Variants in NDST3 observed in about 807,000 individuals in gnomAD.
The protein encoded by NDST3 is N-deacetylase and N-sulfotransferase 3, also known as bifunctional heparan sulfate N-deacetylase/N-sulfotransferase 3.
In NDST3, 58 loss-of-function variants were observed where a neutral mutation model predicts 96.1. The ratio of observed to expected loss-of-function variants is 0.60; its 90% CI spans 0.49 to 0.75. NDST3 has a LOEUF of 0.75. Among genes scored for constraint, NDST3 ranks in the 30% least tolerant of loss-of-function variants. The pLI, the probability that NDST3 is intolerant of heterozygous loss-of-function variation, is 0.00. For synonymous variants in NDST3, 333 were observed against 359.7 expected, an observed-to-expected ratio of 0.93 and a Z score of 0.84; for missense variants, 788 against 1,034.2, an observed-to-expected ratio of 0.76 and a Z score of 3.27.
intron 6 of NDST3, chr4:118,194,288 GTCT>G (rs1387329753): frequency 1.4e-6 from 1 of 731,724 alleles, no homozygotes; most frequent in Non-Finnish European, 2.5e-6. Context: ...TTCACCGCAA[GTCT>G]GTAATTCTGT....
intron 2 of NDST3, among the ~76,000 whole-genome samples, chr4:118,084,121 C>G (rs188036714): frequency 1.3e-5 from 2 of 152,154 alleles, no homozygotes; most frequent in East Asian, 3.9e-4. Flanking sequence ...GTAGCATGAA[C>G]AAGTCTAAAG....
At chr4:118,126,514 G>GTATATATATATA (rs776694923) in intron 4 of NDST3, among the ~76,000 whole-genome samples, 1 of 49,262 alleles carries the variant, frequency 2.0e-5, no homozygotes, top group African/African-American at 4.2e-5. Flanking sequence ...GTATGTATGT[G>GTATATATATATA]TATATATATA....
intron 4 of NDST3, among the ~76,000 whole-genome samples, chr4:118,131,602 C>T (rs1319691339): frequency 6.6e-6 from 1 of 151,998 alleles, no homozygotes; most frequent in East Asian, 1.9e-4. Flanking sequence ...GTCTCTGATG[C>T]CTTATTTAGT....
chr4:118,135,331 C>T (rs910432481), intron 4 of NDST3, among the ~76,000 whole-genome samples: 1 of 152,096 alleles, frequency 6.6e-6, no homozygotes, highest in Non-Finnish European at 1.5e-5. Flanking sequence ...CCAAAATCTA[C>T]AGTGAAAGTA....
chr4:118,110,051 T>C (rs1730515751), intron 3 of NDST3, among the ~76,000 whole-genome samples: 1 of 152,116 alleles, frequency 6.6e-6, no homozygotes, highest in African/African-American at 2.4e-5. Flanking sequence ...GATAAGAACA[T>C]AGAAACTTAA....
At chr4:118,097,206 G>A (rs796354906) in intron 2 of NDST3, among the ~76,000 whole-genome samples, 4 of 152,024 alleles carry the variant, frequency 2.6e-5, no homozygotes, top group African/African-American at 9.6e-5. Flanking sequence ...CCCTCACAGA[G>A]TACTTTTGAG....
At chr4:118,224,466 A>T (rs776358561) in intron 6 of NDST3, 25 bp from the exon 7 acceptor site, 1 of 1,582,056 alleles carries the variant, frequency 6.3e-7, no homozygotes, top group East Asian at 2.3e-5. Context: ...TGTTATTTAC[A>T]CTGAAGTTCA....
chr4:118,113,931 C>T, intron 3 of NDST3, among the ~76,000 whole-genome samples: 1 of 151,760 alleles, frequency 6.6e-6, no homozygotes, highest in Non-Finnish European at 1.5e-5. Flanking sequence ...GAAGATATGC[C>T]TAGGGAAGTA....
At chr4:118,179,438 C>T (rs940424784) in intron 6 of NDST3, among the ~76,000 whole-genome samples, 2 of 151,858 alleles carry the variant, frequency 1.3e-5, no homozygotes, top group African/African-American at 2.4e-5. Flanking sequence ...AATGCAAGCC[C>T]TCATTCTGCC....
intron 6 of NDST3, among the ~76,000 whole-genome samples, chr4:118,173,301 A>C (rs191787369): frequency 3.3e-5 from 5 of 152,256 alleles, no homozygotes; most frequent in Admixed American, 2.0e-4. Context: ...AAAACAACTA[A>C]GAAACAAGCC....
intron 6 of NDST3, among the ~76,000 whole-genome samples, chr4:118,213,496 C>A (rs967928668): frequency 1.3e-5 from 2 of 151,882 alleles, no homozygotes; most frequent in African/African-American, 2.4e-5. Flanking sequence ...AAATTATGAG[C>A]AAACTAAAGG....
chr4:118,245,858 G>A (rs1283962144), intron 12 of NDST3, among the ~76,000 whole-genome samples: 1 of 151,960 alleles, frequency 6.6e-6, no homozygotes. Flanking sequence ...AAAAAAAACT[G>A]GGGCACAGGA....
chr4:118,199,588 T>C (rs1249692705), intron 6 of NDST3, among the ~76,000 whole-genome samples: 1 of 152,184 alleles, frequency 6.6e-6, no homozygotes, highest in Non-Finnish European at 1.5e-5. Context: ...TTCATTGAAG[T>C]CATGTTTTCC....
Position 118,255,599 on chromosome 4 carries a change from A to AGGAGAG in NDST3, c.2509_2510insGGAGAG (p.Thr837delinsArgArgAla). Reference sequence around the variant, plus strand: ...TCTCCTCCTCTCCACTTAGAGCAGGACATTTCTGTCAAGCTACTATCGAGA... The same window carrying AGGAGAG: ...TCTCCTCCTCTCCACTTAGAGCAGGAGGAGAGCATTTCTGTCAAGCTACTATCGAGA... On this transcript the variant is annotated protein_altering_variant, in exon 14 of 14. Transcript: ENST00000296499. 1 of 1,612,090 alleles carries AGGAGAG rather than the reference A, an allele frequency of 6.2e-7. No homozygotes were observed. Among genetic ancestry groups the AGGAGAG allele is most frequent in the Non-Finnish European group, 8.5e-7 (1 of 1,178,788 alleles).
intron 6 of NDST3, among the ~76,000 whole-genome samples, chr4:118,205,146 C>T (rs1420482241): frequency 7.0e-6 from 1 of 143,880 alleles, no homozygotes; most frequent in East Asian, 2.0e-4. Context: ...TAGAGTTGAG[C>T]AGGCCTTATC....
At chr4:118,211,783 A>G (rs1321583234) in intron 6 of NDST3, among the ~76,000 whole-genome samples, 2 of 152,176 alleles carry the variant, frequency 1.3e-5, no homozygotes, top group Non-Finnish European at 2.9e-5. Flanking sequence ...GCTAGAAAGT[A>G]CAGTCCGTAA....
intron 9 of NDST3, among the ~76,000 whole-genome samples, chr4:118,234,130 G>C (rs1205991507): frequency 6.6e-6 from 1 of 152,168 alleles, no homozygotes; most frequent in Non-Finnish European, 1.5e-5. Flanking sequence ...CATCGACAGT[G>C]GCCAGGCACA....
chr4:118,081,142 G>C (rs1727975632), intron 2 of NDST3, among the ~76,000 whole-genome samples: 1 of 152,174 alleles, frequency 6.6e-6, no homozygotes, highest in Non-Finnish European at 1.5e-5. Context: ...AGGTCTAAAT[G>C]AGTTTTGTGA....
At chr4:118,111,499 C>T (rs2125860018) in intron 3 of NDST3, among the ~76,000 whole-genome samples, 1 of 151,454 alleles carries the variant, frequency 6.6e-6, no homozygotes, top group South Asian at 2.1e-4. Context: ...GTAATTAACC[C>T]ATAGTTAATT....
Sources: allele counts gnomAD v4.1 joint callset (sites outside exome capture counted in the v4.1 genomes callset), GRCh38; gene constraint gnomAD v4.1.1; transcripts MANE v1.5; gene names NCBI Gene and HGNC (gene_info 2026-07-23, HGNC 2026-07-21).